MED13L: variants seen among roughly 807,000 people sequenced by gnomAD.
MED13L encodes mediator of RNA polymerase II transcription subunit 13-like.
MED13L carries 7 observed loss-of-function variants against 220.9 expected under a neutral mutation model. The observed-to-expected ratio is 0.03, with a 90% CI of 0.02 to 0.06. The LOEUF is 0.06. MED13L is among the 10% of genes least tolerant of loss of function. The pLI is 1.00. For missense variants in MED13L, 1,965 were observed against 2,760.5 expected (o/e 0.71, Z 6.46); for synonymous variants, 1,011 against 1,015.2 (o/e 1.00, Z 0.08).
intron 2 of MED13L, among the ~76,000 whole-genome samples, chr12:116,175,306 C>T (rs768197804): frequency 1.3e-5 from 2 of 152,016 alleles, no homozygotes; most frequent in Admixed American, 6.6e-5. Flanking sequence ...CCTGAGTCCC[C>T]TATTATGTGA....
chr12:116,055,826 C>T (rs917953042), intron 4 of MED13L, among the ~76,000 whole-genome samples: 11 of 151,538 alleles, frequency 7.3e-5, no homozygotes, highest in Admixed American at 5.9e-4. Context: ...ACCCAGGAGG[C>T]GGAGGTTGCA....
chr12:116,260,292 A>C (rs1014739537), intron 1 of MED13L, among the ~76,000 whole-genome samples: 1 of 152,198 alleles, frequency 6.6e-6, no homozygotes, highest in African/African-American at 2.4e-5. Context: ...GTGCACTCAG[A>C]ACAACTGGAA....
At chr12:116,113,653 T>C (rs1432376734) in intron 2 of MED13L, among the ~76,000 whole-genome samples, 2 of 145,546 alleles carry the variant, frequency 1.4e-5, no homozygotes, top group African/African-American at 5.1e-5. Flanking sequence ...AGTGAAAGCC[T>C]GTCTCATAAA....
chr12:116,005,179 C>T (rs747985324), intron 13 of MED13L, among the ~76,000 whole-genome samples: 25 of 152,142 alleles, frequency 1.6e-4, no homozygotes, highest in Non-Finnish European at 3.2e-4. Flanking sequence ...AATAAGCTGA[C>T]CTTTTTGAAA....
At chr12:116,188,685 A>G (rs1881060072) in intron 2 of MED13L, among the ~76,000 whole-genome samples, 2 of 152,164 alleles carry the variant, frequency 1.3e-5, no homozygotes, top group African/African-American at 4.8e-5. Flanking sequence ...GACTATTTCC[A>G]TCACAAGGAT....
chr12:116,134,326 G>T (rs1876333975), intron 2 of MED13L, among the ~76,000 whole-genome samples: 1 of 152,152 alleles, frequency 6.6e-6, no homozygotes, highest in Non-Finnish European at 1.5e-5. Flanking sequence ...TTTCATTTTA[G>T]AAAGCACATT....
chr12:115,963,540 G>A, intron 29 of MED13L, 21 bp from the exon 30 acceptor site: 1 of 1,557,292 alleles, frequency 6.4e-7, no homozygotes, highest in Non-Finnish European at 8.9e-7. Context: ...AACAAAGAGA[G>A]TTACCTCTCT....
intron 2 of MED13L, among the ~76,000 whole-genome samples, chr12:116,201,287 T>C (rs1166373658): frequency 6.6e-6 from 1 of 152,178 alleles, no homozygotes; most frequent in Admixed American, 6.5e-5. Flanking sequence ...CAGGTAAGCC[T>C]ATGTACTGTA....
chr12:116,022,381 G>A, intron 5 of MED13L, 75 bp downstream of exon 5: 1 of 1,569,258 alleles, frequency 6.4e-7, no homozygotes, highest in East Asian at 2.3e-5. Context: ...GTCTCACCCT[G>A]CAAAACTTTA....
chr12:116,276,350 GT>G, intron 1 of MED13L: 2 of 713,266 alleles, frequency 2.8e-6, no homozygotes, highest in Non-Finnish European at 4.2e-6. Context: ...GTGTGTGTGT[GT>G]GCGGATTCGT....
chr12:116,075,170 C>A (rs572950538), intron 4 of MED13L, among the ~76,000 whole-genome samples: 1 of 152,138 alleles, frequency 6.6e-6, no homozygotes, highest in Admixed American at 6.5e-5. Context: ...GGGGGAAATA[C>A]GGTATTTATT....
intron 10 of MED13L, 71 bp from the exon 11 acceptor site, chr12:116,007,707 T>C: frequency 1.5e-6 from 2 of 1,354,984 alleles, no homozygotes; most frequent in East Asian, 2.3e-5. Context: ...TTAAACTTTT[T>C]GTAAAAACAA....
intron 4 of MED13L, among the ~76,000 whole-genome samples, chr12:116,056,274 G>A (rs904264824): frequency 1.8e-4 from 26 of 141,086 alleles, no homozygotes; most frequent in African/African-American, 6.3e-4. Flanking sequence ...TTCTTTTCTT[G>A]TTTTTTGTTT....
chr12:116,128,802 G>A (rs1250037821), intron 2 of MED13L, among the ~76,000 whole-genome samples: 1 of 152,142 alleles, frequency 6.6e-6, no homozygotes, highest in Non-Finnish European at 1.5e-5. Flanking sequence ...ATTGATGTAA[G>A]TGCATGTAAA....
chr12:116,057,100 G>A (rs1053375068), intron 4 of MED13L, among the ~76,000 whole-genome samples: 1 of 152,188 alleles, frequency 6.6e-6, no homozygotes, highest in Non-Finnish European at 1.5e-5. Flanking sequence ...TAAATCAGAA[G>A]CCGAATCCCT....
chr12:116,103,109 A>G (rs1427035183), intron 3 of MED13L, among the ~76,000 whole-genome samples: 1 of 151,812 alleles, frequency 6.6e-6, no homozygotes, highest in African/African-American at 2.4e-5. Flanking sequence ...ATCCTCTCTA[A>G]CATGCCTGTC....
At chr12:116,045,210 A>G (rs1045535384) in intron 4 of MED13L, among the ~76,000 whole-genome samples, 1 of 152,202 alleles carries the variant, frequency 6.6e-6, no homozygotes, top group African/African-American at 2.4e-5. Flanking sequence ...CAAAACGATA[A>G]TAAAATGCCT....
intron 8 of MED13L, among the ~76,000 whole-genome samples, chr12:116,014,698 A>G (rs1441424534): frequency 6.6e-6 from 1 of 152,156 alleles, no homozygotes; most frequent in Non-Finnish European, 1.5e-5. Context: ...GTTAATTACA[A>G]CTAAGGCCTG....
In MED13L at chr12:116,213,208, A is replaced by G. The variant is rs140280791; in HGVS notation, c.310+24260T>C. Reference sequence around the variant, plus strand: ...CCCTTTCACAGGGAGGGAGGGAGGGAATGGGAAGGAGTGGGCAGACAAGGT... The same window carrying G: ...CCCTTTCACAGGGAGGGAGGGAGGGGATGGGAAGGAGTGGGCAGACAAGGT... On this transcript the variant is annotated intron_variant, in intron 2 of 30. Coordinates refer to ENST00000281928, the MANE Select transcript of MED13L (RefSeq NM_015335.5). 4.9e-4 allele frequency among the ~76,000 whole-genome samples: 75 copies of G among 151,974 alleles called. 1 individual carries two copies. In the East Asian group the frequency reaches 0.014, roughly 27 times the overall value.
Sources: allele counts gnomAD v4.1 joint callset (sites outside exome capture counted in the v4.1 genomes callset), GRCh38; gene constraint gnomAD v4.1.1; transcripts MANE v1.5; gene names NCBI Gene and HGNC (gene_info 2026-07-23, HGNC 2026-07-21).